SNTG1: variants seen among roughly 807,000 people sequenced by gnomAD.
The protein encoded by SNTG1 is gamma-1-syntrophin.
SNTG1 carries 39 observed loss-of-function variants against 74.7 expected under a neutral mutation model. The ratio of observed to expected loss-of-function variants is 0.52; its 90% CI spans 0.40 to 0.68. The LOEUF (loss-of-function observed/expected upper bound fraction) is 0.68, where lower values mean the gene tolerates loss of function less well. Among genes scored for constraint, SNTG1 ranks in the 30% least tolerant of loss-of-function variants. The pLI is 0.00. For missense variants in SNTG1, 685 were observed against 609.5 expected, an observed-to-expected ratio of 1.12 and a Z score of -1.30; for synonymous variants, 254 against 217.1, an observed-to-expected ratio of 1.17 and a Z score of -1.49.
chr8:50,362,143 G>A (rs982225163), intron 2 of SNTG1, among the ~76,000 whole-genome samples: 5 of 152,088 alleles, frequency 3.3e-5, no homozygotes, highest in African/African-American at 4.8e-5. Context: ...CAGGACTATG[G>A]ATTTTGTAAG....
At chr8:50,450,777 A>G (rs1405688116) in intron 8 of SNTG1, 48 bp downstream of exon 8, 16 of 1,575,042 alleles carry the variant, frequency 1.0e-5, no homozygotes, top group Non-Finnish European at 1.4e-5. Flanking sequence ...TGTGCAAATA[A>G]GAATTTAGTG....
chr8:50,089,490 T>C (rs1232559353), intron 1 of SNTG1, among the ~76,000 whole-genome samples: 1 of 150,810 alleles, frequency 6.6e-6, no homozygotes, highest in East Asian at 1.9e-4. Context: ...TGGGAGAAAA[T>C]TTTTGCAACC....
intron 15 of SNTG1, among the ~76,000 whole-genome samples, chr8:50,676,848 T>C (rs2095311510): frequency 6.6e-6 from 1 of 152,118 alleles, no homozygotes; most frequent in South Asian, 2.1e-4. Context: ...TCTAAAACAA[T>C]GCAAGATTAT....
intron 8 of SNTG1, among the ~76,000 whole-genome samples, chr8:50,476,626 A>C (rs1477097312): frequency 6.6e-6 from 1 of 152,170 alleles, no homozygotes; most frequent in African/African-American, 2.4e-5. Context: ...ATTAGATATA[A>C]GTCATTGCAC....
chr8:50,263,314 A>C (rs1221451585), intron 2 of SNTG1, among the ~76,000 whole-genome samples: 9 of 152,218 alleles, frequency 5.9e-5, no homozygotes, highest in African/African-American at 2.2e-4. Context: ...GGAGTACAAA[A>C]GGAAGAAGAC....
At chr8:50,025,932 T>C (rs1054408810) in intron 1 of SNTG1, among the ~76,000 whole-genome samples, 2 of 152,186 alleles carry the variant, frequency 1.3e-5, no homozygotes, top group African/African-American at 2.4e-5. Context: ...ATAAATGAGC[T>C]TGCATGCAGC....
intron 18 of SNTG1, among the ~76,000 whole-genome samples, chr8:50,757,659 G>A (rs916801538): frequency 6.6e-6 from 1 of 151,776 alleles, no homozygotes; most frequent in African/African-American, 2.4e-5. Flanking sequence ...GCACATTTAA[G>A]ACCACTGATG....
intron 17 of SNTG1, among the ~76,000 whole-genome samples, chr8:50,727,917 TC>T (rs2095504061): frequency 6.6e-6 from 1 of 152,168 alleles, no homozygotes; most frequent in Admixed American, 6.5e-5. Flanking sequence ...GGGACAATTA[TC>T]CCTGCAGAAG....
intron 2 of SNTG1, among the ~76,000 whole-genome samples, chr8:50,258,108 A>G (rs2086973595): frequency 6.6e-6 from 1 of 152,222 alleles, no homozygotes; most frequent in African/African-American, 2.4e-5. Flanking sequence ...GCTAGTAACA[A>G]ATGAAACAAC....
chr8:50,097,557 C>A lies in SNTG1; in HGVS notation c.-102-75004C>A, dbSNP rs567789430. 6.8e-3 allele frequency among the ~76,000 whole-genome samples: 1,025 copies of A among 151,554 alleles called. 15 individuals carry two copies. The highest frequency in any genetic ancestry group is 0.024 in the African/African-American group (975 of 41,306). On this transcript the variant is annotated intron_variant, in intron 1 of 18. Transcript: ENST00000642720. ...GTCCCAGCTACTCGGGAGGCTGAGG[C>A]AGGAGAATGGTGTGAACCCGGAAGG...
At chr8:50,256,251 A>G (rs546670471) in intron 2 of SNTG1, among the ~76,000 whole-genome samples, 25 of 152,252 alleles carry the variant, frequency 1.6e-4, no homozygotes, top group South Asian at 2.1e-4. Context: ...CACAGGGCCC[A>G]TAAAAGTGTA....
chr8:50,270,081 C>T (rs1204983529), intron 2 of SNTG1, among the ~76,000 whole-genome samples: 6 of 151,904 alleles, frequency 3.9e-5, no homozygotes, highest in African/African-American at 9.7e-5. Flanking sequence ...CAGGGTAAAT[C>T]CAGCATGAAC....
At chr8:50,467,994 C>T (rs189703068) in intron 8 of SNTG1, among the ~76,000 whole-genome samples, 11 of 146,212 alleles carry the variant, frequency 7.5e-5, no homozygotes, top group East Asian at 6.1e-4. Flanking sequence ...TGTCTGGGAA[C>T]GTATTTGTAT....
intron 2 of SNTG1, among the ~76,000 whole-genome samples, chr8:50,185,034 T>C (rs1325400629): frequency 6.6e-6 from 1 of 152,192 alleles, no homozygotes; most frequent in African/African-American, 2.4e-5. Flanking sequence ...AGATGACAAA[T>C]GTCTTCACAA....
At chr8:50,728,826 C>G (rs1483263901) in intron 17 of SNTG1, among the ~76,000 whole-genome samples, 1 of 152,154 alleles carries the variant, frequency 6.6e-6, no homozygotes, top group Non-Finnish European at 1.5e-5. Context: ...AGATCCCTGA[C>G]TGGGTCAAAT....
chr8:50,646,277 A>T (rs1186159414), intron 13 of SNTG1, among the ~76,000 whole-genome samples: 2 of 152,178 alleles, frequency 1.3e-5, no homozygotes, highest in Non-Finnish European at 2.9e-5. Context: ...TTGAGGCAGC[A>T]TCTCTGTCCT....
intron 15 of SNTG1, among the ~76,000 whole-genome samples, chr8:50,662,034 C>G (rs1329836241): frequency 1.3e-5 from 2 of 152,118 alleles, no homozygotes; most frequent in Non-Finnish European, 2.9e-5. Context: ...TTCTGGCCTT[C>G]TCCTGTGTCA....
At chr8:50,060,085 A>AT (rs1317140109) in intron 1 of SNTG1, among the ~76,000 whole-genome samples, 1 of 151,912 alleles carries the variant, frequency 6.6e-6, no homozygotes, top group Admixed American at 6.6e-5. Flanking sequence ...TTTGATTGGC[A>AT]TTTTCCTGAT....
At chr8:50,670,009 T>G (rs552705790) in intron 15 of SNTG1, among the ~76,000 whole-genome samples, 1 of 152,246 alleles carries the variant, frequency 6.6e-6, no homozygotes, top group East Asian at 1.9e-4. Context: ...TGCTAAAAAC[T>G]CTCAATAAAT....
Sources: gnomAD v4.1 joint callset for allele counts (sites outside exome capture counted in the v4.1 genomes callset) on GRCh38, gnomAD v4.1.1 for gene constraint, MANE v1.5 for transcripts, NCBI Gene and HGNC (gene_info 2026-07-23, HGNC 2026-07-21) for gene names.